Variants in EXPH5 observed in about 807,000 individuals in gnomAD.
The protein encoded by EXPH5 is exophilin-5.
EXPH5 carries 42 observed loss-of-function variants against 41.1 expected under a neutral mutation model. The ratio of observed to expected loss-of-function variants is 1.02; its 90% confidence interval spans 0.80 to 1.32. The LOEUF (loss-of-function observed/expected upper bound fraction) is 1.32. EXPH5 is among the 40% of genes most tolerant of loss of function. EXPH5 has a pLI of 0.00. For synonymous variants in EXPH5, 798 were observed against 833.5 expected, an observed-to-expected ratio of 0.96 and a Z score of 0.73; for missense variants, 2,298 against 2,314.5, an observed-to-expected ratio of 0.99 and a Z score of 0.15.
At position 108,512,803 on chromosome 11, in the gene EXPH5, A is replaced by G. The variant is rs373483398; in HGVS notation, c.2704T>C (p.Ser902Pro). 1.1e-5 allele frequency: 17 copies of G among 1,614,050 alleles called. No individual in the cohort carries two copies. The African/African-American group carries it at 2.0e-4, about 19-fold the overall frequency. The part of the protein sequence containing the change: ...NSSLDAPVVP[S>P]TTVFSRRSPS... ...CTTCTCCTGGAGAACACTGTAGTAG[A>G]TGGAACCACAGGAGCATCAAGGGAA... The change falls in exon 6 of 6, where the codon TCT becomes CCT. Residue 902 changes from serine (S) to proline (P), a missense_variant. Physicochemically the swap from Ser to Pro is moderately conservative, Grantham distance 74. Transcript: ENST00000265843.
At chr11:108,515,733 A>C (rs1198119029) in intron 5 of EXPH5, among the ~76,000 whole-genome samples, 1 of 152,174 alleles carries the variant, frequency 6.6e-6, no homozygotes, top group Non-Finnish European at 1.5e-5. Flanking sequence ...CTGTTTCCTG[A>C]ATCCATGCAT....
intron 1 of EXPH5, among the ~76,000 whole-genome samples, chr11:108,552,620 T>C (rs2093971720): frequency 6.6e-6 from 1 of 152,208 alleles, no homozygotes; most frequent in Non-Finnish European, 1.5e-5. Flanking sequence ...ATATTTTCTG[T>C]ATTTAAAAAA....
At chr11:108,530,975 C>T (rs1238466944) in intron 3 of EXPH5, among the ~76,000 whole-genome samples, 1 of 152,140 alleles carries the variant, frequency 6.6e-6, no homozygotes, top group Non-Finnish European at 1.5e-5. Flanking sequence ...TGAAGAGTTT[C>T]CACTTAGAGA....
rs527394429 is a variant in EXPH5 at position 108,568,292 on chromosome 11, G to T, written c.119+25126C>A. Among the ~76,000 whole-genome samples the T allele has an allele frequency of 6.6e-5, 10 of 152,146 alleles. No homozygotes were observed. The East Asian group carries it at 7.8e-4, about 12-fold the overall frequency. ...TGCAGGGGAGGAAATGACCAGGCAC[G>T]CGGGTTCCTCTGGCTCGCTGGGCAC... On this transcript the variant is annotated intron_variant, in intron 1 of 5. Coordinates refer to ENST00000265843, the MANE Select transcript of EXPH5 (RefSeq NM_015065.3).
At chr11:108,525,486 T>C (rs2093792732) in intron 4 of EXPH5, among the ~76,000 whole-genome samples, 2 of 152,242 alleles carry the variant, frequency 1.3e-5, no homozygotes, top group Non-Finnish European at 2.9e-5. Context: ...AACCCTGGGC[T>C]AGATGATCTC....
intron 1 of EXPH5, among the ~76,000 whole-genome samples, chr11:108,542,693 A>C (rs994115449): frequency 6.6e-6 from 1 of 152,144 alleles, no homozygotes; most frequent in African/African-American, 2.4e-5. Flanking sequence ...GCAGAAAAGA[A>C]ATTATTGAAT....
intron 4 of EXPH5, among the ~76,000 whole-genome samples, chr11:108,522,296 G>A (rs1428329907): frequency 6.6e-6 from 1 of 151,998 alleles, no homozygotes; most frequent in Non-Finnish European, 1.5e-5. Flanking sequence ...TTTAAGCTAT[G>A]TGTGAGATAT....
At chr11:108,523,001 C>A (rs2093774862) in intron 4 of EXPH5, among the ~76,000 whole-genome samples, 1 of 152,006 alleles carries the variant, frequency 6.6e-6, no homozygotes, top group Non-Finnish European at 1.5e-5. Flanking sequence ...CCCACCTCAG[C>A]CTCTTGAGTA....
At chr11:108,582,454 A>G (rs1288915547) in intron 1 of EXPH5, among the ~76,000 whole-genome samples, 1 of 151,868 alleles carries the variant, frequency 6.6e-6, no homozygotes, top group African/African-American at 2.4e-5. Context: ...TGACAGAATG[A>G]GACCCTGTCA....
chr11:108,535,822 A>G (rs947882573), intron 3 of EXPH5, among the ~76,000 whole-genome samples: 3 of 152,156 alleles, frequency 2.0e-5, no homozygotes, highest in African/African-American at 7.2e-5. Flanking sequence ...CATAGTAGGG[A>G]GGGCATCACT....
chr11:108,568,149 A>G (rs2094042679), intron 1 of EXPH5: 1 of 136,024 alleles, frequency 7.4e-6, no homozygotes, highest in Non-Finnish European at 1.5e-5. Context: ...AGAAGCAGTT[A>G]CTGAAATAAA....
the EXPH5 span, among the ~76,000 whole-genome samples, chr11:108,606,214 A>G: frequency 6.6e-6 from 1 of 152,050 alleles, no homozygotes; most frequent in East Asian, 1.9e-4. Flanking sequence ...CTTCTACACC[A>G]AATCCCCAAA....
intron 1 of EXPH5, among the ~76,000 whole-genome samples, chr11:108,550,405 A>T (rs909840580): frequency 2.6e-5 from 4 of 152,192 alleles, no homozygotes; most frequent in Admixed American, 2.6e-4. Context: ...ATCCCCGGCA[A>T]CCCACCCAGC....
At chr11:108,565,917 C>T (rs2094032594) in intron 1 of EXPH5, among the ~76,000 whole-genome samples, 1 of 152,182 alleles carries the variant, frequency 6.6e-6, no homozygotes, top group South Asian at 2.1e-4. Context: ...TTCTTTGTCA[C>T]ACGATCTAAC....
chr11:108,597,843 C>G (rs1250983991), upstream of EXPH5, among the ~76,000 whole-genome samples: 1 of 152,086 alleles, frequency 6.6e-6, no homozygotes, highest in Admixed American at 6.6e-5. Context: ...AAAAAAACCA[C>G]AAAAACTATT....
rs969056946 is a variant in EXPH5 at position 108,506,093 on chromosome 11, T to C, written c.*3444A>G. 2.0e-5 allele frequency: 3 copies of C among 152,208 alleles called. No individual in the cohort carries two copies. The highest frequency in any genetic ancestry group is 4.4e-5 in the Non-Finnish European group (3 of 68,034). 9.4% of individuals were successfully genotyped at this position (152,208 alleles called of 1,614,324 possible). ...AACAAGTTTATAATTTATAAGGTAT[T>C]TATTACGATTGATTCCCCTATGATT... On this transcript the variant is annotated 3_prime_UTR_variant, in exon 6 of 6. Transcript: ENST00000265843.
At chr11:108,517,936 T>C (rs899327686) in intron 5 of EXPH5, among the ~76,000 whole-genome samples, 6 of 152,116 alleles carry the variant, frequency 3.9e-5, no homozygotes, top group Non-Finnish European at 8.8e-5. Context: ...TTTTTGTATT[T>C]TCAGTAGAGA....
chr11:108,514,105 G>C lies in EXPH5; in HGVS notation c.1402C>G (p.Arg468Gly). 6.2e-7 allele frequency: 1 copy of C among 1,613,682 alleles called. No individual in the cohort carries two copies. Among genetic ancestry groups the C allele is most frequent in the South Asian group, 1.1e-5 (1 of 90,956 alleles). ...CCAAATCTCCTCTGTTCTCCGCTTC[G>C]TCCAAAGGTATTGCTGAAGAAAGAT... ...TRSFFSNTFG[R>G]SGEQRRFGQG... is the part of the protein sequence containing the mutation. Residue 468 changes from arginine (R) to glycine (G), a missense_variant, in exon 6 of 6, where the codon CGA becomes GGA. Transcript: ENST00000265843.
chr11:108,554,095 G>T (rs2136064251), intron 1 of EXPH5, among the ~76,000 whole-genome samples: 1 of 144,330 alleles, frequency 6.9e-6, no homozygotes, highest in South Asian at 2.2e-4. Context: ...ACAGGGTCTT[G>T]CTCTGTTGCA....
Sources: gnomAD v4.1 joint callset for allele counts (sites outside exome capture counted in the v4.1 genomes callset) on GRCh38, gnomAD v4.1.1 for gene constraint, MANE v1.5 for transcripts, NCBI Gene and HGNC (gene_info 2026-07-23, HGNC 2026-07-21) for gene names.